NRXN1: variants seen among roughly 807,000 people sequenced by gnomAD.
NRXN1 encodes neurexin-1.
In NRXN1, 39 loss-of-function variants were observed where a neutral mutation model predicts 150.9. The observed-to-expected ratio is 0.26, with a 90% CI of 0.20 to 0.34. NRXN1 has a LOEUF of 0.34. NRXN1 is among the 10% of genes least tolerant of loss of function. NRXN1 has a pLI of 1.00. For missense variants in NRXN1, 1,815 were observed against 1,949.9 expected (o/e 0.93, Z 1.30); for synonymous variants, 924 against 757.0 (o/e 1.22, Z -3.62).
At chr2:50,373,071 T>G (rs1237189666) in intron 17 of NRXN1, among the ~76,000 whole-genome samples, 3 of 152,012 alleles carry the variant, frequency 2.0e-5, no homozygotes, top group African/African-American at 7.2e-5. Flanking sequence ...TAACCAATTT[T>G]CTGCAAATCT....
At chr2:50,901,456 C>T (rs750657939) in intron 5 of NRXN1, among the ~76,000 whole-genome samples, 6 of 151,874 alleles carry the variant, frequency 4.0e-5, no homozygotes, top group Admixed American at 3.9e-4. Context: ...AGAATGACGT[C>T]AACCTAGGAG....
intron 2 of NRXN1, among the ~76,000 whole-genome samples, chr2:50,981,946 AAG>A (rs1696896888): frequency 6.6e-6 from 1 of 151,956 alleles, no homozygotes; most frequent in Admixed American, 6.6e-5. Context: ...ATATCTTAAA[AAG>A]AGAGACAGAG....
intron 21 of NRXN1, among the ~76,000 whole-genome samples, chr2:49,979,897 G>GTTTTTTTTTTTT (rs775049686): frequency 9.7e-6 from 1 of 103,610 alleles, no homozygotes; most frequent in East Asian, 2.3e-4. Context: ...GTCTTATATT[G>GTTTTTTTTTTTT]TTTTTTTGGT....
chr2:50,940,541 G>T lies in NRXN1; in HGVS notation c.773-14586C>A, dbSNP rs539396371. ...ATTGTATGACACAACATAACCTTGT[G>T]CTCTCTGGGTCACAAGTTTGAATAC... On this transcript the variant is annotated intron_variant, in intron 2 of 22. Transcript: ENST00000401669. 2.0e-5 allele frequency among the ~76,000 whole-genome samples: 3 copies of T among 151,496 alleles called. No homozygotes were observed. In the East Asian group the frequency reaches 5.8e-4, roughly 29 times the overall value.
At chr2:50,926,045 T>A (rs948276462) in intron 2 of NRXN1, 90 bp from the exon 3 acceptor site, 7 of 971,952 alleles carry the variant, frequency 7.2e-6, no homozygotes, top group Non-Finnish European at 1.6e-6. Flanking sequence ...GTCTTCCTCA[T>A]GCAAGGCACC....
intron 5 of NRXN1, among the ~76,000 whole-genome samples, chr2:50,639,463 T>C (rs1386276531): frequency 2.0e-5 from 3 of 151,878 alleles, no homozygotes; most frequent in Non-Finnish European, 2.9e-5. Context: ...TCAAGTGATC[T>C]GCCTGTCTCA....
chr2:50,808,184 T>C (rs62140620), intron 5 of NRXN1, among the ~76,000 whole-genome samples: 46,471 of 151,830 alleles, frequency 0.31, 7,245 homozygotes, highest in Non-Finnish European at 0.32. Context: ...CTATTGTAAA[T>C]AGTTTCCGGG....
intron 5 of NRXN1, among the ~76,000 whole-genome samples, chr2:50,682,560 T>C (rs1005095213): frequency 1.3e-5 from 2 of 152,130 alleles, no homozygotes; most frequent in Non-Finnish European, 2.9e-5. Context: ...TATTTTTAAC[T>C]ATATTTAGCG....
intron 8 of NRXN1, among the ~76,000 whole-genome samples, chr2:50,595,575 T>A (rs1461866572): frequency 6.6e-6 from 1 of 152,116 alleles, no homozygotes; most frequent in Non-Finnish European, 1.5e-5. Context: ...TTTGAGGCTA[T>A]GAGTGTGGCA....
intron 5 of NRXN1, chr2:50,625,031 A>C (rs1680755235): frequency 6.6e-6 from 1 of 152,050 alleles, no homozygotes; most frequent in East Asian, 1.9e-4. Flanking sequence ...TAAACATATA[A>C]TTATAAACGG....
At chr2:50,361,971 T>A (rs1460792289) in intron 17 of NRXN1, among the ~76,000 whole-genome samples, 1 of 152,000 alleles carries the variant, frequency 6.6e-6, no homozygotes, top group Non-Finnish European at 1.5e-5. Flanking sequence ...ATTTAATCCA[T>A]CACATAAACA....
intron 5 of NRXN1, among the ~76,000 whole-genome samples, chr2:50,801,077 T>C (rs757536055): frequency 6.6e-6 from 1 of 152,178 alleles, no homozygotes; most frequent in Non-Finnish European, 1.5e-5. Context: ...TTTTTTCCAA[T>C]TTTTAAATTT....
At chr2:50,354,554 C>CATATATATATATAT (rs71404946) in intron 17 of NRXN1, among the ~76,000 whole-genome samples, 233 of 99,996 alleles carry the variant, frequency 2.3e-3, no homozygotes, top group East Asian at 7.9e-3. Flanking sequence ...AGAGTGCATA[C>CATATATATATATAT]ATATATATAT....
chr2:50,238,550 T>G (rs1051972128), intron 17 of NRXN1, among the ~76,000 whole-genome samples: 1 of 152,082 alleles, frequency 6.6e-6, no homozygotes, highest in Non-Finnish European at 1.5e-5. Context: ...GAGTAACATT[T>G]ATGTGTAAAA....
At chr2:50,736,017 C>T (rs1341569101) in intron 5 of NRXN1, among the ~76,000 whole-genome samples, 4 of 152,060 alleles carry the variant, frequency 2.6e-5, no homozygotes, top group Non-Finnish European at 5.9e-5. Context: ...AAACAGTTTC[C>T]CTTTGCAATT....
chr2:50,317,824 T>C (rs2075734327), intron 17 of NRXN1, among the ~76,000 whole-genome samples: 1 of 152,026 alleles, frequency 6.6e-6, no homozygotes, highest in Non-Finnish European at 1.5e-5. Flanking sequence ...TGAAAGGAAT[T>C]GAAACATTCA....
chr2:50,025,394 G>C (rs1041035332), intron 21 of NRXN1, among the ~76,000 whole-genome samples: 5 of 152,184 alleles, frequency 3.3e-5, no homozygotes. Context: ...ACGGCGACAA[G>C]GAGTTAGAGA....
intron 18 of NRXN1, among the ~76,000 whole-genome samples, chr2:50,190,603 CTTTTT>C: frequency 8.2e-6 from 1 of 122,606 alleles, no homozygotes; most frequent in Non-Finnish European, 1.8e-5. Context: ...CACCTTCTAA[CTTTTT>C]TTTTCTTTTT....
At position 50,447,978 on chromosome 2, in the gene NRXN1, G is replaced by T. The variant is rs556501892; in HGVS notation, c.3364+17464C>A. On this transcript the variant is annotated intron_variant, in intron 17 of 22. Transcript: ENST00000401669. ...TAAAGTGTATCGTAAAATATACTGTGTTCATTTATTGTGACAACTGGGGTG... is the reference window on the plus strand; with the variant it reads ...TAAAGTGTATCGTAAAATATACTGTTTTCATTTATTGTGACAACTGGGGTG... Among the ~76,000 whole-genome samples, 8 of 151,672 alleles carry T rather than the reference G, an allele frequency of 5.3e-5. No homozygotes were observed. In the South Asian group the frequency reaches 1.7e-3, roughly 32 times the overall value.
Sources: allele counts gnomAD v4.1 joint callset (sites outside exome capture counted in the v4.1 genomes callset), GRCh38; gene constraint gnomAD v4.1.1; transcripts MANE v1.5; gene names NCBI Gene and HGNC (gene_info 2026-07-23, HGNC 2026-07-21).